Variants in OR7A10 observed in about 807,000 individuals in gnomAD.
The protein encoded by OR7A10 is olfactory receptor family 7 subfamily A member 10.
For synonymous variants in OR7A10, 144 were observed against 144.5 expected (o/e 1.00, Z 0.02); for missense variants, 358 against 370.1 (o/e 0.97, Z 0.27).
intron 1 of OR7A10, among the ~76,000 whole-genome samples, chr19:14,845,070 A>AACACACACACACAC (rs200527978): frequency 7.1e-6 from 1 of 141,628 alleles, no homozygotes; most frequent in African/African-American, 2.6e-5. Flanking sequence ...CACACACACA[A>AACACACACACACAC]ACACACACAC....
At chr19:14,843,303 T>C (rs2044924619) in intron 1 of OR7A10, among the ~76,000 whole-genome samples, 2 of 152,238 alleles carry the variant, frequency 1.3e-5, no homozygotes, top group Admixed American at 6.5e-5. Context: ...ACATGATGTG[T>C]TGAAGTACAA....
At chr19:14,848,274 A>G (rs1338780912) in intron 1 of OR7A10, among the ~76,000 whole-genome samples, 1 of 152,116 alleles carries the variant, frequency 6.6e-6, no homozygotes, top group East Asian at 1.9e-4. Flanking sequence ...TTGGGCTTTT[A>G]TTACCCTTAC....
At position 14,840,951 on chromosome 19, in the gene OR7A10, T is replaced by C. The variant is rs776203120; in HGVS notation, c.927A>G (p.Gln309=). The C allele has an allele frequency of 3.7e-6, 6 of 1,601,022 alleles. No individual in the cohort carries two copies. Among genetic ancestry groups the C allele is most frequent in the South Asian group, 2.3e-5 (2 of 88,524 alleles). ...GAMKTFFRGK[Q] is the part of the protein sequence containing the mutation. The stretch of plus-strand genomic sequence containing the variant: ...CCTTTCTTGAAAAATAGCCTTTCTA[T>C]TGCTTTCCTCTGAAGAATGTTTTCA... Residue 309 remains glutamine, a synonymous_variant, in exon 2 of 2, where the codon CAA becomes CAG. Transcript: ENST00000641129.
chr19:14,845,071 A>ACACACG lies in OR7A10; in HGVS notation c.-12-3183_-12-3182insCGTGTG, dbSNP rs2044935764. 9.1e-5 allele frequency among the ~76,000 whole-genome samples: 5 copies of ACACACG among 55,188 alleles called. No individual in the cohort carries two copies. The South Asian group carries it at 3.9e-3, about 43-fold the overall frequency. 36.2% of individuals were successfully genotyped at this position (55,188 alleles called of 152,430 possible). ...GAGGTGCACACACACACACACACAA[A>ACACACG]CACACACACACACACACACACACAC... On this transcript the variant is annotated intron_variant, in intron 1 of 1. Transcript: ENST00000641129.
At chr19:14,845,255 G>A (rs948214467) in intron 1 of OR7A10, among the ~76,000 whole-genome samples, 19 of 151,786 alleles carry the variant, frequency 1.3e-4, no homozygotes, top group African/African-American at 4.4e-4. Flanking sequence ...CAGGCGGACC[G>A]CCTGAGGTCA....
Position 14,840,829 on chromosome 19 carries a change from C to G in OR7A10, c.*119G>C. ...TAGTTGAGGAACAAAGAAGTTTAAA[C>G]TCCAGGAAATAAATGGAAGGGGCAA... On this transcript the variant is annotated 3_prime_UTR_variant, in exon 2 of 2. Coordinates refer to ENST00000641129, the MANE Select transcript of OR7A10 (RefSeq NM_001005190.2). 1 of 699,186 alleles carries G rather than the reference C, an allele frequency of 1.4e-6. No individual in the cohort carries two copies. Among genetic ancestry groups the G allele is most frequent in the Non-Finnish European group, 2.4e-6 (1 of 419,950 alleles). 43.3% of individuals were successfully genotyped at this position (699,186 alleles called of 1,614,324 possible).
Position 14,840,910 on chromosome 19 carries a change from G to T in OR7A10, c.*38C>A, listed in dbSNP as rs1003888425. 6.9e-7 allele frequency: 1 copy of T among 1,441,246 alleles called. No individual in the cohort carries two copies. 89.3% of individuals were successfully genotyped at this position (1,441,246 alleles called of 1,614,324 possible). On this transcript the variant is annotated 3_prime_UTR_variant, in exon 2 of 2. Coordinates refer to ENST00000641129, the MANE Select transcript of OR7A10 (RefSeq NM_001005190.2). ...ACCATTTCTGGCTCTGGGGCTTAGA[G>T]CTCTGAAGTCACAGGCCTTTCTTGA... is the stretch of plus-strand genomic sequence containing the variant.
Position 14,840,887 on chromosome 19 carries a change from C to T in OR7A10, c.*61G>A. The T allele has an allele frequency of 8.3e-7, 1 of 1,201,740 alleles. No individual in the cohort carries two copies. Among genetic ancestry groups the T allele is most frequent in the South Asian group, 1.5e-5 (1 of 67,212 alleles). 74.4% of individuals were successfully genotyped at this position (1,201,740 alleles called of 1,614,324 possible). A position where few individuals can be genotyped will look rare whatever the true frequency, so the allele number is the denominator to read the frequency against. ...TTCCACCATCTTATTAACAAATCAC[C>T]ATTTCTGGCTCTGGGGCTTAGAGCT... On this transcript the variant is annotated 3_prime_UTR_variant, in exon 2 of 2. Transcript: ENST00000641129.
chr19:14,848,829 A>T lies in OR7A10; in HGVS notation c.-342T>A, dbSNP rs1469139528. On this transcript the variant is annotated 5_prime_UTR_variant, in exon 1 of 2. An upstream start codon of the reference 5' UTR is lost. Transcript: ENST00000641129. Reference sequence around the variant, plus strand: ...TCATGGAAAGAAATTTTTTTCTTGCATACTCAGTTCCCAAGACATCAGATT... The same window carrying T: ...TCATGGAAAGAAATTTTTTTCTTGCTTACTCAGTTCCCAAGACATCAGATT... 1.3e-5 allele frequency: 2 copies of T among 152,176 alleles called. No homozygotes were observed. Among genetic ancestry groups the T allele is most frequent in the African/African-American group, 4.8e-5 (2 of 41,446 alleles). The allele number at this position is 152,176 out of a possible 1,614,324, so 9.4% of individuals were successfully genotyped here.
chr19:14,842,940 A>C (rs1742568139), intron 1 of OR7A10, among the ~76,000 whole-genome samples: 1 of 152,218 alleles, frequency 6.6e-6, no homozygotes. Flanking sequence ...AGAAATTGCC[A>C]AGGGTCTAAT....
At chr19:14,843,912 G>A (rs774612266) in intron 1 of OR7A10, among the ~76,000 whole-genome samples, 1 of 152,062 alleles carries the variant, frequency 6.6e-6, no homozygotes, top group Non-Finnish European at 1.5e-5. Context: ...GGGACTGTCG[G>A]GGGTACGGGA....
rs200527978 is a variant in OR7A10, at chr19:14,845,070, AACAC to A, written c.-12-3185_-12-3182del. Among the ~76,000 whole-genome samples the A allele has an allele frequency of 2.7e-3, 378 of 141,684 alleles. 4 individuals carry two copies. In the East Asian group the frequency reaches 0.032, roughly 12 times the overall value. 93.0% of individuals were successfully genotyped at this position (141,684 alleles called of 152,430 possible). A position where few individuals can be genotyped will look rare whatever the true frequency, so the allele number is the denominator to read the frequency against. On this transcript the variant is annotated intron_variant, in intron 1 of 1. Transcript: ENST00000641129. ...AGAGGTGCACACACACACACACACA[AACAC>A]ACACACACACACACACACACACACA...
chr19:14,848,121 T>TAAA (rs34015234), intron 1 of OR7A10, among the ~76,000 whole-genome samples: 41 of 145,592 alleles, frequency 2.8e-4, no homozygotes, highest in African/African-American at 1.0e-3. Context: ...AGACTCTGTC[T>TAAA]AAAAAAAAAA....
intron 1 of OR7A10, among the ~76,000 whole-genome samples, chr19:14,846,804 T>G (rs1311170293): frequency 6.6e-6 from 1 of 151,550 alleles, no homozygotes; most frequent in Non-Finnish European, 1.5e-5. Context: ...ATGACAGATA[T>G]AAATGTGACA....
At chr19:14,844,628 C>T (rs2044931145) in intron 1 of OR7A10, among the ~76,000 whole-genome samples, 1 of 147,242 alleles carries the variant, frequency 6.8e-6, no homozygotes. Flanking sequence ...TGAAATGCAT[C>T]TCCTCTTTGT....
chr19:14,842,674 T>G (rs1234226823), intron 1 of OR7A10, among the ~76,000 whole-genome samples: 1 of 152,228 alleles, frequency 6.6e-6, no homozygotes, highest in Non-Finnish European at 1.5e-5. Context: ...GCTACACCCA[T>G]GTTGCTGCGA....
rs561536681 is a variant in OR7A10, at chr19:14,847,849, G to A, written c.-13+651C>T. Among the ~76,000 whole-genome samples the A allele has an allele frequency of 2.0e-5, 3 of 150,828 alleles. No individual in the cohort carries two copies. The East Asian group carries it at 6.1e-4, about 31-fold the overall frequency. On this transcript the variant is annotated intron_variant, in intron 1 of 1. Coordinates refer to ENST00000641129, the MANE Select transcript of OR7A10 (RefSeq NM_001005190.2). ...TTCTTAAAAATGAAAAATTGGCGGG[G>A]CCAGGTGGCTCATGCCTGTAATCCC...
rs145811618 is a variant in OR7A10, at chr19:14,846,090, G to A, written c.-13+2410C>T. On this transcript the variant is annotated intron_variant, in intron 1 of 1. Transcript: ENST00000641129. The stretch of plus-strand genomic sequence containing the variant: ...AATCGCTTCAACCCGGGAGGCGGAG[G>A]TTGCAGTAAGCCGAGATCGCACCAT... Among the ~76,000 whole-genome samples the A allele has an allele frequency of 2.5e-3, 388 of 152,192 alleles. 3 individuals are homozygous for A. Among genetic ancestry groups the A allele is most frequent in the African/African-American group, 8.8e-3 (365 of 41,538 alleles).
In OR7A10 at chr19:14,841,959, T is replaced by C. The variant is rs2044917051; in HGVS notation, c.-12-70A>G. 4.5e-6 allele frequency: 4 copies of C among 891,248 alleles called. No individual in the cohort carries two copies. In the South Asian group the frequency reaches 7.0e-5, roughly 16 times the overall value. The allele number at this position is 891,248 out of a possible 1,614,324, so 55.2% of individuals were successfully genotyped here. A position where few individuals can be genotyped will look rare whatever the true frequency, so the allele number is the denominator to read the frequency against. On this transcript the variant is annotated intron_variant, in intron 1 of 1. Transcript: ENST00000641129. ...GAAACAAACATGCATTCCAAAACTATCAGAAATGTTATCATTTATATTCCA... is the reference window on the plus strand; with the variant it reads ...GAAACAAACATGCATTCCAAAACTACCAGAAATGTTATCATTTATATTCCA...
Sources: gnomAD v4.1 joint callset for allele counts (sites outside exome capture counted in the v4.1 genomes callset) on GRCh38, gnomAD v4.1.1 for gene constraint, MANE v1.5 for transcripts, NCBI Gene and HGNC (gene_info 2026-07-23, HGNC 2026-07-21) for gene names.